Variants in PPP2R2B observed in about 807,000 individuals in gnomAD.
PPP2R2B encodes the protein serine/threonine-protein phosphatase 2A 55 kDa regulatory subunit B beta isoform.
A neutral mutation model predicts 46.0 loss-of-function variants in PPP2R2B; 5 were observed. The ratio of observed to expected loss-of-function variants is 0.11; its 90% confidence interval spans 0.06 to 0.23. The LOEUF (loss-of-function observed/expected upper bound fraction) is 0.23, where lower values mean the gene tolerates loss of function less well. Ranked by LOEUF, PPP2R2B falls within the 10% of genes least tolerant of loss-of-function variation. The probability of loss-of-function intolerance (pLI) is 1.00; values close to 1 mark genes in which losing one functional copy is unlikely to be tolerated. For synonymous variants in PPP2R2B, 215 were observed against 206.7 expected (o/e 1.04, Z -0.34); for missense variants, 367 against 575.0 (o/e 0.64, Z 3.70).
chr5:146,645,423 A>T (rs1775517351), intron 6 of PPP2R2B, among the ~76,000 whole-genome samples: 1 of 152,208 alleles, frequency 6.6e-6, no homozygotes, highest in Admixed American at 6.5e-5. Context: ...GCTCAATATG[A>T]GGAGACTGAC....
chr5:146,837,144 C>G (rs77003807), intron 2 of PPP2R2B, among the ~76,000 whole-genome samples: 1,565 of 152,250 alleles, frequency 0.01, 24 homozygotes, highest in African/African-American at 0.035. Context: ...GATACACATT[C>G]AGTAGAAAAT....
At chr5:146,743,493 A>T (rs536308023) in intron 2 of PPP2R2B, among the ~76,000 whole-genome samples, 16 of 152,344 alleles carry the variant, frequency 1.1e-4, no homozygotes, top group Admixed American at 8.5e-4. Flanking sequence ...CCTAATGAGA[A>T]GGAATTGGGA....
At chr5:146,596,748 C>G (rs1017779356) in intron 8 of PPP2R2B, among the ~76,000 whole-genome samples, 29 of 152,166 alleles carry the variant, frequency 1.9e-4, no homozygotes, top group African/African-American at 6.5e-4. Context: ...GATGTGGAGC[C>G]AAGCCCTGAA....
chr5:147,035,082 A>T, intron 1 of PPP2R2B: 1 of 455,406 alleles, frequency 2.2e-6, no homozygotes, highest in Non-Finnish European at 4.4e-6. Context: ...CCCAGAAGGA[A>T]GGTGCATTAG....
intron 2 of PPP2R2B, among the ~76,000 whole-genome samples, chr5:147,063,104 A>AC (rs1383696831): frequency 1.3e-5 from 2 of 151,832 alleles, no homozygotes; most frequent in African/African-American, 4.8e-5. Context: ...AGGGAGATAG[A>AC]AAAGAAAGAC....
At chr5:146,901,606 T>G (rs1175677757) in intron 1 of PPP2R2B, among the ~76,000 whole-genome samples, 1 of 152,150 alleles carries the variant, frequency 6.6e-6, no homozygotes, top group African/African-American at 2.4e-5. Flanking sequence ...ATATTCATTA[T>G]ACCTGAGGTC....
chr5:146,992,881 T>A (rs1364206006), intron 1 of PPP2R2B, among the ~76,000 whole-genome samples: 2 of 152,246 alleles, frequency 1.3e-5, no homozygotes, highest in Non-Finnish European at 2.9e-5. Context: ...AGAAAAGCTG[T>A]GGCAGCTCTG....
intron 2 of PPP2R2B, among the ~76,000 whole-genome samples, chr5:146,764,717 C>CA (rs1754367477): frequency 1.3e-5 from 2 of 152,098 alleles, no homozygotes; most frequent in South Asian, 4.1e-4. Flanking sequence ...GTGGCTGCTA[C>CA]AGTTAAGATA....
At chr5:146,681,986 T>C (rs951929826) in intron 5 of PPP2R2B, among the ~76,000 whole-genome samples, 1 of 152,194 alleles carries the variant, frequency 6.6e-6, no homozygotes, top group East Asian at 1.9e-4. Flanking sequence ...AGTGTACATA[T>C]GGGAGGTGTC....
intron 2 of PPP2R2B, among the ~76,000 whole-genome samples, chr5:147,063,401 T>C (rs918000510): frequency 1.3e-5 from 2 of 152,204 alleles, no homozygotes; most frequent in African/African-American, 4.8e-5. Flanking sequence ...ATATTTTAAA[T>C]ATATAAAGCA....
chr5:146,604,724 C>T (rs1772099044), intron 7 of PPP2R2B, among the ~76,000 whole-genome samples: 2 of 152,194 alleles, frequency 1.3e-5, no homozygotes, highest in Admixed American at 1.3e-4. Flanking sequence ...TCACTCTTCT[C>T]ATTTGTAGAT....
chr5:146,756,475 G>A (rs1753837439), intron 2 of PPP2R2B, among the ~76,000 whole-genome samples: 2 of 152,154 alleles, frequency 1.3e-5, no homozygotes, highest in African/African-American at 4.8e-5. Context: ...GCTGCAGTGT[G>A]TATTCCAAGT....
Position 146,815,268 on chromosome 5 carries a change from T to A in PPP2R2B, c.70+62734A>T, listed in dbSNP as rs749006939. On this transcript the variant is annotated intron_variant, in intron 2 of 9. Transcript: ENST00000394411. ...AAAGCACTCTCTGCTGTTAACATCA[T>A]CACTGGTCTTAAGACCTTCTGGAGT... 1.2e-4 allele frequency among the ~76,000 whole-genome samples: 19 copies of A among 152,356 alleles called. No homozygotes were observed. In the South Asian group the frequency reaches 1.5e-3, roughly 12 times the overall value.
chr5:146,653,725 T>A (rs1483540243), intron 5 of PPP2R2B, among the ~76,000 whole-genome samples: 1 of 152,128 alleles, frequency 6.6e-6, no homozygotes, highest in East Asian at 1.9e-4. Flanking sequence ...AGCTTCAGCT[T>A]AATGTGATGG....
At chr5:146,631,720 C>A (rs1462974100) in intron 7 of PPP2R2B, among the ~76,000 whole-genome samples, 1 of 152,234 alleles carries the variant, frequency 6.6e-6, no homozygotes, top group Non-Finnish European at 1.5e-5. Flanking sequence ...AGCCTCCAGG[C>A]ATCACTGTCC....
At chr5:146,590,395 TG>T (rs370337694) in intron 9 of PPP2R2B, among the ~76,000 whole-genome samples, 169 bp from the exon 10 acceptor site, 19 of 139,620 alleles carry the variant, frequency 1.4e-4, no homozygotes, top group African/African-American at 5.6e-4. Flanking sequence ...GTTTTTTTTT[TG>T]TGTTTTTTTT....
intron 1 of PPP2R2B, among the ~76,000 whole-genome samples, chr5:146,968,727 G>A (rs546759440): frequency 1.3e-5 from 2 of 152,218 alleles, no homozygotes; most frequent in African/African-American, 4.8e-5. Flanking sequence ...TCAAGCCTTG[G>A]TTTATAGCAT....
chr5:146,672,735 T>TAAA (rs2151123678), intron 5 of PPP2R2B, among the ~76,000 whole-genome samples: 1 of 152,332 alleles, frequency 6.6e-6, no homozygotes, highest in East Asian at 1.9e-4. Context: ...GCTGTTCTAT[T>TAAA]TGAGTATTCA....
chr5:146,754,677 C>T lies in PPP2R2B; in HGVS notation c.71-53535G>A, dbSNP rs561297372. On this transcript the variant is annotated intron_variant, in intron 2 of 9. Transcript: ENST00000394411. ...TTGTGGCTTCCTTCTTGATCTCTCT[C>T]TTTCATTCTTTTACTCTCCCATCAC... 2.6e-5 allele frequency among the ~76,000 whole-genome samples: 4 copies of T among 152,198 alleles called. No individual in the cohort carries two copies. In the South Asian group the frequency reaches 6.2e-4, roughly 24 times the overall value.
Sources: allele counts gnomAD v4.1 joint callset (sites outside exome capture counted in the v4.1 genomes callset), GRCh38; gene constraint gnomAD v4.1.1; transcripts MANE v1.5; gene names NCBI Gene and HGNC (gene_info 2026-07-23, HGNC 2026-07-21).